SCARA5: variants seen among roughly 807,000 people sequenced by gnomAD.
The protein encoded by SCARA5 is scavenger receptor class A member 5.
Under a neutral mutation model 46.3 loss-of-function variants are expected in SCARA5, and 45 were observed. The observed-to-expected ratio is 0.97, with a 90% CI of 0.76 to 1.24. SCARA5 has a LOEUF of 1.24. Among genes scored for constraint, SCARA5 ranks in the 50% most tolerant of loss-of-function variants. The probability of loss-of-function intolerance (pLI) is 0.00; values close to 1 mark genes in which losing one functional copy is unlikely to be tolerated. For synonymous variants in SCARA5, 333 were observed against 306.5 expected (o/e 1.09, Z -0.90); for missense variants, 680 against 689.0 (o/e 0.99, Z 0.15).
At chr8:27,930,628 C>T (rs146486938) in intron 3 of SCARA5, among the ~76,000 whole-genome samples, 4,398 of 152,228 alleles carry the variant, frequency 0.029, 109 homozygotes, top group East Asian at 0.052. Flanking sequence ...TCTCGAACTC[C>T]GGACCTCAGG....
At chr8:27,890,660 C>T (rs1417551632) in intron 7 of SCARA5, among the ~76,000 whole-genome samples, 1 of 152,166 alleles carries the variant, frequency 6.6e-6, no homozygotes, top group African/African-American at 2.4e-5. Flanking sequence ...TGTTCTCACC[C>T]ACAGATCCCA....
chr8:27,906,057 T>C (rs1807257146), intron 6 of SCARA5, among the ~76,000 whole-genome samples: 3 of 152,210 alleles, frequency 2.0e-5, no homozygotes, highest in Admixed American at 2.0e-4. Context: ...CAATCTGTTT[T>C]AAAATCAACT....
Position 27,871,637 on chromosome 8 carries a change from C to A in SCARA5, c.*297G>T. 1 of 1,280,004 alleles carries A rather than the reference C, an allele frequency of 7.8e-7. No homozygotes were observed. Among genetic ancestry groups the A allele is most frequent in the Admixed American group, 3.4e-5 (1 of 29,850 alleles). The allele number at this position is 1,280,004 out of a possible 1,614,324, so 79.3% of individuals were successfully genotyped here. On this transcript the variant is annotated 3_prime_UTR_variant, in exon 9 of 9. Coordinates refer to ENST00000354914, the MANE Select transcript of SCARA5 (RefSeq NM_173833.6). ...CCAAAGGGAACTGGGATATTGAGGC[C>A]TGGTGCATGGTGTTCAGAGGCTGGG...
intron 4 of SCARA5, among the ~76,000 whole-genome samples, chr8:27,913,601 C>T (rs144276581): frequency 4.7e-4 from 71 of 152,360 alleles, no homozygotes; most frequent in Middle Eastern, 6.8e-3. Context: ...TCCTTCCTCA[C>T]TGCCTCCACC....
chr8:27,941,244 G>A (rs1381721006), intron 3 of SCARA5, among the ~76,000 whole-genome samples: 1 of 152,192 alleles, frequency 6.6e-6, no homozygotes, highest in Non-Finnish European at 1.5e-5. Flanking sequence ...ATTTAGAATA[G>A]ACTCTGAGAA....
At chr8:27,964,080 G>A (rs1008861566) in intron 3 of SCARA5, among the ~76,000 whole-genome samples, 1 of 152,114 alleles carries the variant, frequency 6.6e-6, no homozygotes, top group Non-Finnish European at 1.5e-5. Flanking sequence ...CCTGATCTTG[G>A]TATCTCTGAG....
At chr8:27,887,725 C>T (rs979031560) in intron 7 of SCARA5, among the ~76,000 whole-genome samples, 5 of 152,118 alleles carry the variant, frequency 3.3e-5, no homozygotes, top group African/African-American at 1.2e-4. Context: ...GGACCACAAG[C>T]CCGAGATGGA....
intron 3 of SCARA5, among the ~76,000 whole-genome samples, chr8:27,925,481 A>G (rs1255084186): frequency 1.3e-5 from 2 of 152,256 alleles, no homozygotes; most frequent in Admixed American, 1.3e-4. Context: ...TTATACAAAA[A>G]TTAATTCAAG....
At chr8:27,964,718 C>G (rs1808342188) in intron 3 of SCARA5, among the ~76,000 whole-genome samples, 1 of 152,130 alleles carries the variant, frequency 6.6e-6, no homozygotes, top group African/African-American at 2.4e-5. Flanking sequence ...AGAACCGTCA[C>G]TCCACTGCAA....
rs71222526 is a variant in SCARA5, at chr8:27,936,592, T to TAA, written c.242-14349_242-14348dup. Among the ~76,000 whole-genome samples, 233 of 31,320 alleles carry TAA rather than the reference T, an allele frequency of 7.4e-3. 15 individuals are homozygous for TAA. Among genetic ancestry groups the TAA allele is most frequent in the African/African-American group, 0.023 (215 of 9,378 alleles). 20.5% of individuals were successfully genotyped at this position (31,320 alleles called of 152,430 possible). ...TGAGAGAGAAAGACTGTGTCTCCAT[T>TAA]AAAAAAAAAAAAAAAAAAAGGTGGG... On this transcript the variant is annotated intron_variant, in intron 3 of 8. Transcript: ENST00000354914.
At chr8:27,920,921 A>G (rs1188580888) in intron 4 of SCARA5, among the ~76,000 whole-genome samples, 1 of 152,110 alleles carries the variant, frequency 6.6e-6, no homozygotes, top group African/African-American at 2.4e-5. Flanking sequence ...GCTTGCAGTG[A>G]GCTGAGATCA....
intron 2 of SCARA5, among the ~76,000 whole-genome samples, chr8:27,975,155 T>TAGC (rs1312929972): frequency 6.6e-6 from 1 of 152,094 alleles, no homozygotes; most frequent in African/African-American, 2.4e-5. Context: ...ATTTAATCAA[T>TAGC]CATGCCTACA....
rs553369846 is a variant in SCARA5, at chr8:27,969,741, G to A, written c.113-3199C>T. ...GGATATTGACAGAGGGGGAGGCTGTGCATGGGAAGGGTGGCAGGCGGGGTA... is the reference window on the plus strand; with the variant it reads ...GGATATTGACAGAGGGGGAGGCTGTACATGGGAAGGGTGGCAGGCGGGGTA... On this transcript the variant is annotated intron_variant, in intron 2 of 8. Transcript: ENST00000354914. Among the ~76,000 whole-genome samples the A allele has an allele frequency of 9.8e-5, 15 of 152,300 alleles. 1 individual carries two copies. Among genetic ancestry groups the A allele is most frequent in the Admixed American group, 7.8e-4 (12 of 15,296 alleles).
intron 7 of SCARA5, among the ~76,000 whole-genome samples, chr8:27,895,359 A>G (rs1807047311): frequency 6.6e-6 from 1 of 152,236 alleles, no homozygotes; most frequent in Admixed American, 6.5e-5. Context: ...AATGTGATCC[A>G]TATGGGAAGG....
intron 3 of SCARA5, among the ~76,000 whole-genome samples, chr8:27,954,637 G>A (rs1808180017): frequency 6.6e-6 from 1 of 152,222 alleles, no homozygotes; most frequent in African/African-American, 2.4e-5. Flanking sequence ...GAGTGATTAT[G>A]AAGAATGTGG....
At chr8:27,884,732 A>G (rs1806866714) in intron 7 of SCARA5, among the ~76,000 whole-genome samples, 1 of 152,380 alleles carries the variant, frequency 6.6e-6, no homozygotes, top group East Asian at 1.9e-4. Flanking sequence ...TTAGCCAAGT[A>G]AGTGACTGAG....
At chr8:27,949,544 G>A (rs984024488) in intron 3 of SCARA5, among the ~76,000 whole-genome samples, 26 of 152,200 alleles carry the variant, frequency 1.7e-4, no homozygotes, top group Non-Finnish European at 3.7e-4. Flanking sequence ...GGGGGTCTTT[G>A]GGACACTATG....
chr8:27,950,598 A>C (rs1808108708), intron 3 of SCARA5, among the ~76,000 whole-genome samples: 1 of 152,124 alleles, frequency 6.6e-6, no homozygotes, highest in South Asian at 2.1e-4. Flanking sequence ...CATGACCCAG[A>C]AGGAGGGACA....
intron 3 of SCARA5, among the ~76,000 whole-genome samples, chr8:27,948,707 G>C (rs1808075860): frequency 6.6e-6 from 1 of 152,206 alleles, no homozygotes; most frequent in Non-Finnish European, 1.5e-5. Flanking sequence ...CCTAGCTGTG[G>C]GACTCGCTCC....
Sources: allele counts gnomAD v4.1 joint callset (sites outside exome capture counted in the v4.1 genomes callset), GRCh38; gene constraint gnomAD v4.1.1; transcripts MANE v1.5; gene names NCBI Gene and HGNC (gene_info 2026-07-23, HGNC 2026-07-21).